The following LARS1 variants were observed in gnomAD, a reference collection of about 807,000 sequenced individuals.
The protein encoded by LARS1 is leucyl-tRNA synthetase 1.
In LARS1, 100 loss-of-function variants were observed where a neutral mutation model predicts 162.8. That is an observed-to-expected ratio of 0.61 (90% CI 0.52 to 0.73). The LOEUF (loss-of-function observed/expected upper bound fraction) is 0.73, where lower values mean the gene tolerates loss of function less well. LARS1 is among the 30% of genes least tolerant of loss of function. The pLI is 0.00. For missense variants in LARS1, 1,258 were observed against 1,408.9 expected (o/e 0.89, Z 1.71); for synonymous variants, 457 against 462.8 (o/e 0.99, Z 0.16).
intron 6 of LARS1, among the ~76,000 whole-genome samples, chr5:146,164,106 G>A (rs1355756014): frequency 6.6e-6 from 1 of 152,116 alleles, no homozygotes; most frequent in African/African-American, 2.4e-5. Context: ...AATAAAGTTT[G>A]AAATATTAAA....
intron 7 of LARS1, 58 bp downstream of exon 7, chr5:146,160,316 G>A (rs966707317): frequency 1.6e-5 from 15 of 934,234 alleles, no homozygotes; most frequent in Middle Eastern, 2.3e-4. Context: ...GATTACAGGC[G>A]TGAGCCTCTG....
intron 21 of LARS1, 31 bp from the exon 22 acceptor site, chr5:146,135,695 A>G (rs747429392): frequency 7.4e-6 from 11 of 1,495,058 alleles, no homozygotes; most frequent in Middle Eastern, 1.7e-4. Flanking sequence ...TCAATCATTA[A>G]TAACAGTAAT....
intron 21 of LARS1, among the ~76,000 whole-genome samples, chr5:146,139,872 CA>C (rs34203668): frequency 0.23 from 19,181 of 81,806 alleles, 652 homozygotes; most frequent in Admixed American, 0.34. Context: ...GACTCCGTCT[CA>C]AAAAAAAAAA....
chr5:146,127,740 A>C (rs917490248), intron 27 of LARS1, among the ~76,000 whole-genome samples: 1 of 152,104 alleles, frequency 6.6e-6, no homozygotes. Flanking sequence ...TCTATCATAT[A>C]TACTCAAAGG....
chr5:146,129,166 A>G (rs373552448), intron 25 of LARS1, 48 bp from the exon 26 acceptor site: 3 of 1,473,334 alleles, frequency 2.0e-6, no homozygotes, highest in South Asian at 1.3e-5. Flanking sequence ...ATTAGACAAT[A>G]TAACTATTTT....
At chr5:146,153,416 C>T (rs1032675407) in intron 12 of LARS1, among the ~76,000 whole-genome samples, 189 bp from the exon 13 acceptor site, 3 of 152,108 alleles carry the variant, frequency 2.0e-5, no homozygotes, top group African/African-American at 7.2e-5. Flanking sequence ...AATTTAATAG[C>T]TAAAGTTATA....
intron 30 of LARS1, 93 bp from the exon 31 acceptor site, chr5:146,120,596 A>G: frequency 8.3e-7 from 1 of 1,203,402 alleles, no homozygotes; most frequent in Non-Finnish European, 1.2e-6. Flanking sequence ...TGAAAGACAG[A>G]TCTAATTCTG....
Position 146,131,124 on chromosome 5 carries a change from GA to G in LARS1, c.2397-16del, listed in dbSNP as rs1255960502. Reference sequence around the variant, plus strand: ...CATTCAATTCACTATTGAATACGGGGAAAAAAAGGTTATTGAGTTTAAAGGC... The same window carrying G: ...CATTCAATTCACTATTGAATACGGGGAAAAAAGGTTATTGAGTTTAAAGGC... On this transcript the variant is annotated splice_polypyrimidine_tract_variant and intron_variant, in intron 23 of 31. Transcript: ENST00000394434. 5.4e-5 allele frequency: 74 copies of G among 1,363,046 alleles called. No individual in the cohort carries two copies. The highest frequency in any genetic ancestry group is 1.1e-4 in the Admixed American group (5 of 46,238). The allele number at this position is 1,363,046 out of a possible 1,614,324, so 84.4% of individuals were successfully genotyped here.
At chr5:146,147,915 T>C (rs1410899547) in intron 15 of LARS1, among the ~76,000 whole-genome samples, 1 of 151,990 alleles carries the variant, frequency 6.6e-6, no homozygotes, top group Non-Finnish European at 1.5e-5. Flanking sequence ...TATACAAGCC[T>C]CCAAAGTCAG....
intron 31 of LARS1, among the ~76,000 whole-genome samples, chr5:146,118,508 G>A (rs947573534): frequency 6.6e-6 from 1 of 152,154 alleles, no homozygotes; most frequent in Non-Finnish European, 1.5e-5. Context: ...GCTGTAAGAG[G>A]AGCTGTTTGA....
At chr5:146,149,551 C>A (rs1323205346) in intron 15 of LARS1, 71 bp downstream of exon 15, 8 of 1,082,748 alleles carry the variant, frequency 7.4e-6, no homozygotes, top group Non-Finnish European at 9.9e-6. Flanking sequence ...GTAGAACTCA[C>A]TGCTAATAAC....
intron 28 of LARS1, 56 bp downstream of exon 28, chr5:146,126,379 T>C: frequency 9.6e-7 from 1 of 1,040,016 alleles, no homozygotes; most frequent in Middle Eastern, 2.1e-4. Context: ...CATCCTTCTA[T>C]TGTCCCATCT....
At chr5:146,162,916 TCTC>T (rs1753842363) in intron 6 of LARS1, among the ~76,000 whole-genome samples, 1 of 152,126 alleles carries the variant, frequency 6.6e-6, no homozygotes, top group South Asian at 2.1e-4. Flanking sequence ...TTCAAGCAAT[TCTC>T]CTCCTTCAGC....
At position 146,143,369 on chromosome 5, in the gene LARS1, C is replaced by G. The variant is rs1752876380; in HGVS notation, c.1877+43G>C. ...AATACATAAATCAAATATCACAACT[C>G]TTACTGACAAATTATGCTCCTTTCC... is the stretch of plus-strand genomic sequence containing the variant. On this transcript the variant is annotated intron_variant, in intron 19 of 31. Coordinates refer to ENST00000394434, the MANE Select transcript of LARS1 (RefSeq NM_020117.11). The G allele has an allele frequency of 3.2e-6, 5 of 1,572,026 alleles. No homozygotes were observed. The East Asian group carries it at 1.1e-4, about 35-fold the overall frequency.
chr5:146,182,433 G>A (rs149347386), intron 1 of LARS1, 55 bp downstream of exon 1: 13 of 1,611,708 alleles, frequency 8.1e-6, no homozygotes, highest in Middle Eastern at 1.7e-4. Flanking sequence ...AGAGCCCCTA[G>A]AGACTGGCCA....
chr5:146,181,487 T>C (rs1047519345), intron 1 of LARS1, among the ~76,000 whole-genome samples: 4 of 151,988 alleles, frequency 2.6e-5, no homozygotes, highest in African/African-American at 9.7e-5. Context: ...ACCCTGTCTC[T>C]ACTAAAAATA....
At chr5:146,138,728 C>CA (rs879232853) in intron 21 of LARS1, 27,656 of 113,848 alleles carry the variant, frequency 0.24, 3,329 homozygotes, top group Admixed American at 0.35. Context: ...GACTCTGTCT[C>CA]AAAAAAAAAA....
intron 6 of LARS1, among the ~76,000 whole-genome samples, chr5:146,162,685 G>C (rs1271630047): frequency 6.6e-6 from 1 of 152,218 alleles, no homozygotes; most frequent in Non-Finnish European, 1.5e-5. Flanking sequence ...AGCTATGGAA[G>C]TCTTACAGCA....
chr5:146,140,141 A>T, intron 21 of LARS1, 63 bp downstream of exon 21: 1 of 1,296,690 alleles, frequency 7.7e-7, no homozygotes, highest in Non-Finnish European at 1.1e-6. Flanking sequence ...AAAAAAGTGC[A>T]ACAACCTAAA....
Sources: allele counts gnomAD v4.1 joint callset (sites outside exome capture counted in the v4.1 genomes callset), GRCh38; gene constraint gnomAD v4.1.1; transcripts MANE v1.5; gene names NCBI Gene and HGNC (gene_info 2026-07-23, HGNC 2026-07-21).